MSRA: variants seen among roughly 807,000 people sequenced by gnomAD.
MSRA encodes the protein methionine sulfoxide reductase A.
Under a neutral mutation model 31.3 loss-of-function variants are expected in MSRA, and 54 were observed. The observed-to-expected ratio is 1.73, with a 90% confidence interval of 1.39 to 2.17. The LOEUF is 2.17. Ranked by LOEUF, MSRA falls within the 30% of genes most tolerant of loss-of-function variation. The pLI is 0.00. For synonymous variants in MSRA, 169 were observed against 116.5 expected (o/e 1.45, Z -2.90); for missense variants, 507 against 300.9 (o/e 1.69, Z -5.07).
intron 1 of MSRA, among the ~76,000 whole-genome samples, chr8:10,181,288 A>G (rs755436063): frequency 6.6e-6 from 1 of 152,232 alleles, no homozygotes; most frequent in African/African-American, 2.4e-5. Context: ...GCATGAAGTC[A>G]GAAAGTGAAA....
intron 3 of MSRA, among the ~76,000 whole-genome samples, chr8:10,260,711 G>A (rs1451204347): frequency 1.3e-5 from 2 of 152,134 alleles, no homozygotes; most frequent in African/African-American, 2.4e-5. Context: ...GGAATAAAAA[G>A]CAAACGAGAT....
intron 1 of MSRA, among the ~76,000 whole-genome samples, chr8:10,123,130 C>G (rs1161469092): frequency 2.0e-5 from 3 of 152,202 alleles, no homozygotes; most frequent in Non-Finnish European, 4.4e-5. Flanking sequence ...AATGGTCGAA[C>G]TAATTCCCAC....
At chr8:10,149,106 C>G (rs570051694) in intron 1 of MSRA, among the ~76,000 whole-genome samples, 13 of 148,512 alleles carry the variant, frequency 8.8e-5, no homozygotes, top group Admixed American at 2.8e-4. Flanking sequence ...TAGGCACATG[C>G]CACCACACCT....
intron 1 of MSRA, among the ~76,000 whole-genome samples, chr8:10,059,877 G>C (rs1296956589): frequency 6.6e-6 from 1 of 152,168 alleles, no homozygotes; most frequent in Non-Finnish European, 1.5e-5. Flanking sequence ...CATATAAAAA[G>C]ATGCTCAACT....
intron 3 of MSRA, among the ~76,000 whole-genome samples, chr8:10,287,547 A>G (rs1310734691): frequency 6.6e-6 from 1 of 152,138 alleles, no homozygotes; most frequent in East Asian, 1.9e-4. Context: ...CTAAGTCCAG[A>G]AGTGGGGCCT....
At chr8:10,153,013 G>T (rs991574417) in intron 1 of MSRA, among the ~76,000 whole-genome samples, 1 of 152,174 alleles carries the variant, frequency 6.6e-6, no homozygotes, top group Non-Finnish European at 1.5e-5. Context: ...GAGAAGAGGG[G>T]ATGAAGAGCT....
At chr8:10,090,369 C>G (rs747298062) in intron 1 of MSRA, among the ~76,000 whole-genome samples, 1 of 152,098 alleles carries the variant, frequency 6.6e-6, no homozygotes, top group Non-Finnish European at 1.5e-5. Flanking sequence ...CAGTAAGGCA[C>G]TAGAATTAGC....
intron 2 of MSRA, among the ~76,000 whole-genome samples, chr8:10,240,501 C>G (rs918496150): frequency 7.9e-5 from 12 of 152,188 alleles, no homozygotes; most frequent in Admixed American, 5.2e-4. Context: ...TAGATGCCCT[C>G]TGGCTGGCAT....
chr8:10,127,246 G>A (rs1437529252), intron 1 of MSRA, among the ~76,000 whole-genome samples: 2 of 152,108 alleles, frequency 1.3e-5, no homozygotes, highest in Non-Finnish European at 2.9e-5. Flanking sequence ...AAGCATGTGG[G>A]AGTTATTTGT....
intron 3 of MSRA, among the ~76,000 whole-genome samples, chr8:10,277,051 G>A (rs1799357523): frequency 6.6e-6 from 1 of 152,094 alleles, no homozygotes; most frequent in African/African-American, 2.4e-5. Context: ...AAATAAGAAA[G>A]TATATACCTC....
At chr8:10,202,045 A>G (rs993453354) in intron 1 of MSRA, among the ~76,000 whole-genome samples, 7 of 152,246 alleles carry the variant, frequency 4.6e-5, no homozygotes, top group Admixed American at 6.5e-5. Context: ...CTGGTAATCA[A>G]TAGTTAGGGC....
intron 5 of MSRA, among the ~76,000 whole-genome samples, chr8:10,364,407 C>T (rs1219583966): frequency 2.0e-5 from 3 of 152,160 alleles, no homozygotes; most frequent in Admixed American, 6.5e-5. Flanking sequence ...TCATCCTTGG[C>T]GAATCTCCAT....
At chr8:10,084,950 C>T (rs114738871) in intron 1 of MSRA, among the ~76,000 whole-genome samples, 6 of 151,874 alleles carry the variant, frequency 4.0e-5, no homozygotes, top group African/African-American at 1.4e-4. Flanking sequence ...AGCTGGTTCC[C>T]CTTTATATTT....
At chr8:10,393,189 C>T (rs13264580) in intron 5 of MSRA, among the ~76,000 whole-genome samples, 44,909 of 152,032 alleles carry the variant, frequency 0.3, 7,383 homozygotes, top group Non-Finnish European at 0.37. Flanking sequence ...AAAGCAGCCG[C>T]CCGCCCCCCG....
chr8:10,298,848 G>C (rs1244732917), intron 3 of MSRA, among the ~76,000 whole-genome samples: 3 of 152,142 alleles, frequency 2.0e-5, no homozygotes, highest in Non-Finnish European at 2.9e-5. Context: ...AATAATGACA[G>C]AGTGAATTTT....
chr8:10,290,610 G>T (rs920311718), intron 3 of MSRA, among the ~76,000 whole-genome samples: 1 of 152,120 alleles, frequency 6.6e-6, no homozygotes, highest in Non-Finnish European at 1.5e-5. Context: ...TTCCATTGGT[G>T]GGGTGGAGGG....
chr8:10,304,634 CAAATGA>C (rs1444268212), intron 4 of MSRA, among the ~76,000 whole-genome samples: 2 of 152,158 alleles, frequency 1.3e-5, no homozygotes, highest in Non-Finnish European at 2.9e-5. Context: ...AGCCAGGCTA[CAAATGA>C]ACTTGGCTAT....
At chr8:10,132,786 A>G (rs1243129785) in intron 1 of MSRA, among the ~76,000 whole-genome samples, 1 of 152,242 alleles carries the variant, frequency 6.6e-6, no homozygotes, top group East Asian at 1.9e-4. Flanking sequence ...CAGAAAGGTT[A>G]AACAGTTTAC....
intron 1 of MSRA, among the ~76,000 whole-genome samples, chr8:10,103,003 G>T (rs542571729): frequency 2.0e-5 from 3 of 152,168 alleles, no homozygotes; most frequent in Admixed American, 2.0e-4. Context: ...ATTAGGGACT[G>T]AGCCTTCTTT....
Sources: gnomAD v4.1 joint callset for allele counts (sites outside exome capture counted in the v4.1 genomes callset) on GRCh38, gnomAD v4.1.1 for gene constraint, MANE v1.5 for transcripts, NCBI Gene and HGNC (gene_info 2026-07-23, HGNC 2026-07-21) for gene names.